WBP1L: variants seen among roughly 807,000 people sequenced by gnomAD.
The protein encoded by WBP1L is WW domain binding protein 1-like.
Under a neutral mutation model 33.7 loss-of-function variants are expected in WBP1L, and 17 were observed. The ratio of observed to expected loss-of-function variants is 0.50; its 90% CI spans 0.34 to 0.76. The LOEUF (loss-of-function observed/expected upper bound fraction) is 0.76, where lower values mean the gene tolerates loss of function less well. Ranked by LOEUF, WBP1L falls within the 30% of genes least tolerant of loss-of-function variation. The pLI is 0.01. For synonymous variants in WBP1L, 173 were observed against 190.8 expected (o/e 0.91, Z 0.77); for missense variants, 389 against 469.4 (o/e 0.83, Z 1.58).
rs747090197 is a variant in WBP1L at position 102,812,977 on chromosome 10, T to A, written c.738T>A (p.Asp246Glu). 7.4e-6 allele frequency: 12 copies of A among 1,611,590 alleles called. No individual in the cohort carries two copies. The Admixed American group carries it at 1.5e-4, about 20-fold the overall frequency. ...DAECREELLK[D>E]DSSEHGAPDS... ...AATGTAGGGAGGAGCTGCTGAAAGA[T>A]GACAGCTCTGAACACGGCGCACCCG... The change falls in exon 4 of 4, where the codon GAT becomes GAA. Residue 246 changes from aspartate (D) to glutamate (E), a missense_variant. Physicochemically the swap from Asp to Glu is conservative, Grantham distance 45 (BLOSUM62 2). Coordinates refer to ENST00000448841, the MANE Select transcript of WBP1L (RefSeq NM_001083913.2).
chr10:102,744,260 T>C, intron 1 of WBP1L, 117 bp downstream of exon 1: 1 of 1,289,080 alleles, frequency 7.8e-7, no homozygotes, highest in Non-Finnish European at 1.0e-6. Flanking sequence ...GGGGCGTCTA[T>C]GCCTGGCGTG....
At chr10:102,781,036 G>T (rs1436051856) in intron 1 of WBP1L, among the ~76,000 whole-genome samples, 1 of 152,202 alleles carries the variant, frequency 6.6e-6, no homozygotes, top group Non-Finnish European at 1.5e-5. Context: ...TTCCAGGTTG[G>T]AATTTGTCAT....
chr10:102,784,939 C>A (rs569135962), intron 1 of WBP1L, among the ~76,000 whole-genome samples: 1 of 150,274 alleles, frequency 6.7e-6, no homozygotes, highest in Non-Finnish European at 1.5e-5. Context: ...TGCAATGGCA[C>A]GATCTCAGGT....
chr10:102,798,570 G>A (rs1843605792), intron 2 of WBP1L, among the ~76,000 whole-genome samples: 1 of 152,124 alleles, frequency 6.6e-6, no homozygotes, highest in African/African-American at 2.4e-5. Flanking sequence ...TACTACAGGT[G>A]TGCACCACCA....
intron 1 of WBP1L, among the ~76,000 whole-genome samples, chr10:102,754,898 TTTATTTA>T: frequency 6.6e-6 from 1 of 151,844 alleles, no homozygotes; most frequent in Admixed American, 6.6e-5. Flanking sequence ...TATTTATTTA[TTTATTTA>T]TTTTTTGAGA....
chr10:102,786,292 T>C (rs1349282542), intron 1 of WBP1L, among the ~76,000 whole-genome samples: 1 of 152,228 alleles, frequency 6.6e-6, no homozygotes, highest in Non-Finnish European at 1.5e-5. Flanking sequence ...TAGGTACTCT[T>C]GTGGGTAACT....
At chr10:102,773,862 A>G (rs1235093371) in intron 1 of WBP1L, among the ~76,000 whole-genome samples, 2 of 113,920 alleles carry the variant, frequency 1.8e-5, no homozygotes, top group African/African-American at 8.1e-5. Flanking sequence ...AAAAAAACAA[A>G]ACAAAAAAAA....
intron 1 of WBP1L, among the ~76,000 whole-genome samples, chr10:102,785,721 C>G (rs748178396): frequency 6.6e-6 from 1 of 152,212 alleles, no homozygotes; most frequent in African/African-American, 2.4e-5. Flanking sequence ...TCACCTGCTC[C>G]GCTGCATGCT....
intron 1 of WBP1L, among the ~76,000 whole-genome samples, chr10:102,797,396 G>A (rs79932145): frequency 1.2e-4 from 19 of 152,196 alleles, no homozygotes; most frequent in Admixed American, 3.9e-4. Flanking sequence ...TGGACCTAAA[G>A]TGAGGCAGCC....
intron 1 of WBP1L, among the ~76,000 whole-genome samples, chr10:102,796,050 G>A (rs192032841): frequency 3.5e-4 from 54 of 152,260 alleles, no homozygotes; most frequent in African/African-American, 1.2e-3. Context: ...TGGTTTTTCA[G>A]CTATGATGGT....
intron 1 of WBP1L, among the ~76,000 whole-genome samples, chr10:102,795,098 T>C (rs1843556039): frequency 6.6e-6 from 1 of 152,222 alleles, no homozygotes; most frequent in South Asian, 2.1e-4. Flanking sequence ...GTGCAATTGA[T>C]ACATGCAGCC....
chr10:102,776,422 T>C (rs1843263837), intron 1 of WBP1L: 2 of 1,614,044 alleles, frequency 1.2e-6, no homozygotes, highest in East Asian at 4.5e-5. Flanking sequence ...AGACAGGTAA[T>C]TGTTTCTGCA....
chr10:102,793,076 A>G (rs1040109735), intron 1 of WBP1L, among the ~76,000 whole-genome samples: 1 of 152,176 alleles, frequency 6.6e-6, no homozygotes, highest in Non-Finnish European at 1.5e-5. Context: ...ACCATCTTTC[A>G]TTAGACTGTA....
chr10:102,766,831 CA>C (rs60853653), intron 1 of WBP1L, among the ~76,000 whole-genome samples: 108 of 144,960 alleles, frequency 7.5e-4, no homozygotes, highest in Admixed American at 1.3e-3. Context: ...GACTCTGTCT[CA>C]AAAAAAAAAA....
chr10:102,768,364 GTTTTTTGTTTTTTTTTT>G (rs1171026972), intron 1 of WBP1L, among the ~76,000 whole-genome samples: 16 of 44,564 alleles, frequency 3.6e-4, no homozygotes, highest in African/African-American at 7.9e-4. Flanking sequence ...CCTGGCATTA[GTTTTTTGTTTTTTTTTT>G]TTTTTTTTTT....
In WBP1L at chr10:102,747,051, G is replaced by A. The variant is rs111716070; in HGVS notation, c.90+2908G>A. Reference sequence around the variant, plus strand: ...GGTTATGACATTACAACTCACAGACGTGAATCCTTAAATCTATAAAGAATG... The same window carrying A: ...GGTTATGACATTACAACTCACAGACATGAATCCTTAAATCTATAAAGAATG... On this transcript the variant is annotated intron_variant, in intron 1 of 3. Coordinates refer to ENST00000448841, the MANE Select transcript of WBP1L (RefSeq NM_001083913.2). Among the ~76,000 whole-genome samples, 374 of 152,216 alleles carry A rather than the reference G, an allele frequency of 2.5e-3. 1 individual carries two copies. Among genetic ancestry groups the A allele is most frequent in the African/African-American group, 8.2e-3 (339 of 41,558 alleles).
chr10:102,777,452 A>G (rs1590177553), intron 1 of WBP1L, among the ~76,000 whole-genome samples: 1 of 152,154 alleles, frequency 6.6e-6, no homozygotes, highest in Non-Finnish European at 1.5e-5. Context: ...AAAAGCCCCA[A>G]ACATTCCATT....
intron 1 of WBP1L, among the ~76,000 whole-genome samples, chr10:102,795,356 G>T (rs1298705495): frequency 6.6e-6 from 1 of 152,178 alleles, no homozygotes; most frequent in Non-Finnish European, 1.5e-5. Context: ...CCCATCGTAA[G>T]CCGAGAAACT....
chr10:102,787,398 G>A (rs1217392939), intron 1 of WBP1L, among the ~76,000 whole-genome samples: 1 of 152,002 alleles, frequency 6.6e-6, no homozygotes, highest in Non-Finnish European at 1.5e-5. Flanking sequence ...ACCAGCCTGA[G>A]CAACGTAGTG....
Sources: allele counts gnomAD v4.1 joint callset (sites outside exome capture counted in the v4.1 genomes callset), GRCh38; gene constraint gnomAD v4.1.1; transcripts MANE v1.5; gene names NCBI Gene and HGNC (gene_info 2026-07-23, HGNC 2026-07-21).